The following TXNDC5 variants were observed in gnomAD, a reference collection of about 807,000 sequenced individuals.
TXNDC5 encodes the protein thioredoxin domain-containing protein 5.
TXNDC5 carries 44 observed loss-of-function variants against 52.6 expected under a neutral mutation model. The ratio of observed to expected loss-of-function variants is 0.84; its 90% CI spans 0.66 to 1.08. TXNDC5 has a LOEUF of 1.08. Among genes scored for constraint, TXNDC5 ranks in the 50% least tolerant of loss-of-function variants. The pLI, the probability that TXNDC5 is intolerant of heterozygous loss-of-function variation, is 0.00. For missense variants in TXNDC5, 600 were observed against 565.5 expected, an observed-to-expected ratio of 1.06 and a Z score of -0.62; for synonymous variants, 241 against 234.4, an observed-to-expected ratio of 1.03 and a Z score of -0.26.
intron 1 of TXNDC5, among the ~76,000 whole-genome samples, chr6:7,908,395 G>C (rs1300374869): frequency 6.6e-6 from 1 of 151,730 alleles, no homozygotes; most frequent in African/African-American, 2.4e-5. Flanking sequence ...AATACCAAGT[G>C]CCCAGATGTG....
Position 7,906,551 on chromosome 6 carries a change from A to C in TXNDC5, c.264-1828T>G, listed in dbSNP as rs916422324. Reference sequence around the variant, plus strand: ...ACTCCATCTCAAAAAAAAAAAAAAAAAAAAAAGAAAAACAGACTTAAAGGT... The same window carrying C: ...ACTCCATCTCAAAAAAAAAAAAAAACAAAAAAGAAAAACAGACTTAAAGGT... On this transcript the variant is annotated intron_variant, in intron 1 of 9. Transcript: ENST00000379757. Among the ~76,000 whole-genome samples, 112 of 150,338 alleles carry C rather than the reference A, an allele frequency of 7.4e-4. 1 individual carries two copies. The highest frequency in any genetic ancestry group is 2.7e-3 in the African/African-American group (110 of 40,702).
At chr6:7,891,952 A>T (rs1760208107) in intron 4 of TXNDC5, among the ~76,000 whole-genome samples, 1 of 152,226 alleles carries the variant, frequency 6.6e-6, no homozygotes. Context: ...TCTTTGATGG[A>T]CAATCAGCAA....
chr6:7,898,057 CAG>C (rs1379210881), intron 3 of TXNDC5, among the ~76,000 whole-genome samples: 25 of 151,728 alleles, frequency 1.6e-4, no homozygotes, highest in African/African-American at 4.8e-4. Flanking sequence ...CCATACAGTT[CAG>C]AGAGTTTTTT....
chr6:7,889,499 T>G lies in TXNDC5; in HGVS notation c.815A>C (p.Lys272Thr). 3 of 1,613,350 alleles carry G rather than the reference T, an allele frequency of 1.9e-6. No individual in the cohort carries two copies. The highest frequency in any genetic ancestry group is 2.5e-6 in the Non-Finnish European group (3 of 1,179,356). Reference protein sequence around the residue: ...YPTLLWFRDGKKVDQYKGKRD... With the variant: ...YPTLLWFRDGTKVDQYKGKRD... ...TACTAAGAAGTGCAGACGTACCTTT[T>G]TCCCATCTCGGAACCAGAGAAGAGT... The change falls in exon 6 of 10, where the codon AAA (lysine) becomes ACA (threonine). Residue 272 changes from lysine to threonine, a missense_variant. Transcript: ENST00000379757.
intron 2 of TXNDC5, among the ~76,000 whole-genome samples, chr6:7,903,924 C>T (rs1760652056): frequency 6.6e-6 from 1 of 152,174 alleles, no homozygotes; most frequent in Non-Finnish European, 1.5e-5. Flanking sequence ...CAGTGGTGGG[C>T]CCTTCTGTGC....
intron 5 of TXNDC5, 100 bp downstream of exon 5, chr6:7,891,521 C>G (rs1009621609): frequency 2.3e-6 from 2 of 858,798 alleles, no homozygotes; most frequent in East Asian, 2.7e-5. Flanking sequence ...ATTAATAAAT[C>G]AAGTTTGCGA....
chr6:7,882,663 C>T lies in TXNDC5; in HGVS notation c.*481G>A, dbSNP rs571120732. 41 of 157,580 alleles carry T rather than the reference C, an allele frequency of 2.6e-4. No individual in the cohort carries two copies. Among genetic ancestry groups the T allele is most frequent in the Non-Finnish European group, 2.5e-4 (18 of 71,220 alleles). 9.8% of individuals were successfully genotyped at this position (157,580 alleles called of 1,614,324 possible). ...TTGCATTTCAATCTGCTCCATGCTA[C>T]GGACCAACACAGTATTGAGTCAACT... On this transcript the variant is annotated 3_prime_UTR_variant, in exon 10 of 10. Transcript: ENST00000379757.
chr6:7,885,344 G>A (rs1445647060), intron 8 of TXNDC5, among the ~76,000 whole-genome samples: 1 of 152,134 alleles, frequency 6.6e-6, no homozygotes, highest in Non-Finnish European at 1.5e-5. Flanking sequence ...AGGGAACTGG[G>A]GTTCAAAGGA....
At chr6:7,903,997 G>C (rs1760655514) in intron 2 of TXNDC5, among the ~76,000 whole-genome samples, 1 of 152,172 alleles carries the variant, frequency 6.6e-6, no homozygotes, top group South Asian at 2.1e-4. Flanking sequence ...ACAGACCCCA[G>C]GCCCCTGGAG....
rs373045136 is a variant in TXNDC5, at chr6:7,889,585, A to G, written c.733-4T>C. 25 of 1,605,236 alleles carry G rather than the reference A, an allele frequency of 1.6e-5. No homozygotes were observed. In the East Asian group the frequency reaches 1.8e-4, roughly 12 times the overall value. On this transcript the variant is annotated splice_region_variant and splice_polypyrimidine_tract_variant and intron_variant, in intron 5 of 9. Transcript: ENST00000379757. ...CATAGTGCTGTGTACAATCAACCTG[A>G]GAATAAAAGCAGATCAACTTCCCAG...
In TXNDC5 at chr6:7,904,623, T is replaced by C. The variant is rs766552330; in HGVS notation, c.364A>G (p.Thr122Ala). The change falls in exon 2 of 10, where the codon ACG becomes GCG. Residue 122 changes from threonine to alanine, a missense_variant. By Grantham distance (58) the Thr-to-Ala change is moderately conservative. Coordinates refer to ENST00000379757, the MANE Select transcript of TXNDC5 (RefSeq NM_030810.5). Reference protein sequence around the residue: ...AKVYVAKVDCTAHSDVCSAQG... With the variant: ...AKVYVAKVDCAAHSDVCSAQG... ...GCGGAGCACACGTCGGAGTGGGCCG[T>C]GCAGTCCACTTTAGCCACATAGACT... 6.2e-7 allele frequency: 1 copy of C among 1,614,216 alleles called. No homozygotes were observed. The highest frequency in any genetic ancestry group is 8.5e-7 in the Non-Finnish European group (1 of 1,180,046).
intron 5 of TXNDC5, among the ~76,000 whole-genome samples, chr6:7,890,891 C>T (rs1332519361): frequency 1.3e-5 from 2 of 152,162 alleles, no homozygotes; most frequent in Non-Finnish European, 2.9e-5. Context: ...CTACCCAACC[C>T]CCAAGTTTAT....
intron 2 of TXNDC5, among the ~76,000 whole-genome samples, chr6:7,900,394 T>C (rs991376452): frequency 4.6e-5 from 7 of 152,116 alleles, no homozygotes; most frequent in African/African-American, 1.7e-4. Context: ...ATACTCTAGA[T>C]AAAAATTCAT....
rs746084077 is a variant in TXNDC5, at chr6:7,883,472, AATGACATCATT to A, written c.1177-217_1177-207del. 1.1e-3 allele frequency among the ~76,000 whole-genome samples: 165 copies of A among 152,300 alleles called. 1 individual carries two copies. Among genetic ancestry groups the A allele is most frequent in the Non-Finnish European group, 1.4e-3 (98 of 68,010 alleles). ...GCTGTGTGTTCACTTCTGAATTCAA[AATGACATCATT>A]AAAGATCAGCCTCAAAGGAACGACT... On this transcript the variant is annotated intron_variant, in intron 9 of 9. Coordinates refer to ENST00000379757, the MANE Select transcript of TXNDC5 (RefSeq NM_030810.5).
chr6:7,887,567 G>A (rs953537396), intron 7 of TXNDC5, among the ~76,000 whole-genome samples: 2 of 152,084 alleles, frequency 1.3e-5, no homozygotes, highest in South Asian at 2.1e-4. Context: ...GCACAGTCAC[G>A]GCTGCAGCAT....
rs926190584 is a variant in TXNDC5 at position 7,882,998 on chromosome 6, A to AAC, written c.*144_*145dup. 2.8e-6 allele frequency: 3 copies of AAC among 1,081,952 alleles called. No homozygotes were observed. Among genetic ancestry groups the AAC allele is most frequent in the South Asian group, 1.7e-5 (1 of 60,406 alleles). 67.0% of individuals were successfully genotyped at this position (1,081,952 alleles called of 1,614,324 possible). A position where few individuals can be genotyped will look rare whatever the true frequency, so the allele number is the denominator to read the frequency against. On this transcript the variant is annotated 3_prime_UTR_variant, in exon 10 of 10. Transcript: ENST00000379757. ...ATCTGTAGAGTGTGTTGGCTTGGAA[A>AAC]ACACACACACAAAGAAGATACCTCA... is the stretch of plus-strand genomic sequence containing the variant.
At chr6:7,893,572 G>A (rs769830837) in intron 4 of TXNDC5, among the ~76,000 whole-genome samples, 72 of 152,226 alleles carry the variant, frequency 4.7e-4, no homozygotes, top group Non-Finnish European at 7.1e-4. Context: ...GAGTCGGTCC[G>A]TAACAGGTGA....
intron 7 of TXNDC5, among the ~76,000 whole-genome samples, chr6:7,887,585 C>T (rs1760035484): frequency 1.3e-5 from 2 of 151,982 alleles, no homozygotes; most frequent in Admixed American, 6.6e-5. Flanking sequence ...CATGAGGGAA[C>T]GCATCATCTT....
chr6:7,898,494 G>A (rs1760450597), intron 3 of TXNDC5, among the ~76,000 whole-genome samples: 1 of 152,238 alleles, frequency 6.6e-6, no homozygotes, highest in South Asian at 2.1e-4. Flanking sequence ...AAGCGGCAAA[G>A]CTCCAAAAGG....
Sources: allele counts gnomAD v4.1 joint callset (sites outside exome capture counted in the v4.1 genomes callset), GRCh38; gene constraint gnomAD v4.1.1; transcripts MANE v1.5; gene names NCBI Gene and HGNC (gene_info 2026-07-23, HGNC 2026-07-21).